The following DNMT1 variants were observed in gnomAD, a reference collection of about 807,000 sequenced individuals.
DNMT1 encodes the protein DNA (cytosine-5)-methyltransferase 1.
A neutral mutation model predicts 205.3 loss-of-function variants in DNMT1; 24 were observed. The ratio of observed to expected loss-of-function variants is 0.12; its 90% CI spans 0.08 to 0.16. DNMT1 has a LOEUF of 0.16. DNMT1 is among the 10% of genes least tolerant of loss of function. DNMT1 has a pLI of 1.00. For synonymous variants in DNMT1, 817 were observed against 839.8 expected, an observed-to-expected ratio of 0.97 and a Z score of 0.47; for missense variants, 1,293 against 2,177.7, an observed-to-expected ratio of 0.59 and a Z score of 8.09.
chr19:10,166,847 C>T (rs988287208), intron 10 of DNMT1, among the ~76,000 whole-genome samples, 162 bp from the exon 11 acceptor site: 10 of 152,226 alleles, frequency 6.6e-5, no homozygotes, highest in African/African-American at 2.2e-4. Flanking sequence ...TTTACTACTC[C>T]AGGACTCAAG....
intron 24 of DNMT1, among the ~76,000 whole-genome samples, chr19:10,150,879 G>A (rs1339031791): frequency 6.6e-6 from 1 of 152,086 alleles, no homozygotes; most frequent in Non-Finnish European, 1.5e-5. Context: ...GATCACTTGA[G>A]GCCGGAGTTC....
In DNMT1 at chr19:10,154,875, C is replaced by T; in HGVS notation, c.1644+30G>A. ...CTGAAGGCAAGTTTCCAGTGGGAATCCCGGATGCTGAGGACCCTCGATCTC... is the reference window on the plus strand; with the variant it reads ...CTGAAGGCAAGTTTCCAGTGGGAATTCCGGATGCTGAGGACCCTCGATCTC... On this transcript the variant is annotated intron_variant, in intron 20 of 40. Coordinates refer to ENST00000359526, the MANE Select transcript of DNMT1 (RefSeq NM_001130823.3). This position sits in a 1 kb window ranked among gnomAD's most constrained non-coding sequence, Gnocchi z 6.3. 6.2e-7 allele frequency: 1 copy of T among 1,614,198 alleles called. No individual in the cohort carries two copies. The highest frequency in any genetic ancestry group is 8.5e-7 in the Non-Finnish European group (1 of 1,180,040).
At chr19:10,162,813 A>G in intron 12 of DNMT1, 65 bp from the exon 13 acceptor site, 1 of 1,551,334 alleles carries the variant, frequency 6.4e-7, no homozygotes, top group Non-Finnish European at 8.9e-7. Context: ...GCCAACTCGC[A>G]CGGAAAGTGA....
At chr19:10,160,470 C>G in intron 13 of DNMT1, 52 bp from the exon 14 acceptor site, 1 of 1,592,522 alleles carries the variant, frequency 6.3e-7, no homozygotes, top group East Asian at 2.2e-5. Context: ...GTTTTACACC[C>G]AGATAGTGCT....
chr19:10,166,668 A>T lies in DNMT1; in HGVS notation c.821T>A (p.Leu274Gln). Residue 274 changes from leucine to glutamine, a missense_variant, in exon 11 of 41, where the codon CTG (leucine) becomes CAG (glutamine). Physicochemically the swap from Leu to Gln is moderately radical, Grantham distance 113 (BLOSUM62 -2). Around this residue, in one of 13 missense-constraint regions of DNMT1, gnomAD observed 394 missense variants for 451.6 expected, o/e 0.87. Coordinates refer to ENST00000359526, the MANE Select transcript of DNMT1 (RefSeq NM_001130823.3). ...GGCTTCTCTGTCCGGCTCCTCCTTCAGTTTCTGTTTGGGTGTTCTGTCACA... is the reference window on the plus strand; with the variant it reads ...GGCTTCTCTGTCCGGCTCCTCCTTCTGTTTCTGTTTGGGTGTTCTGTCACA... ...QTKEPTPKQK[L>Q]KEEPDREARA... 2 of 1,614,040 alleles carry T rather than the reference A, an allele frequency of 1.2e-6. No homozygotes were observed. The highest frequency in any genetic ancestry group is 1.7e-6 in the Non-Finnish European group (2 of 1,179,992).
intron 9 of DNMT1, among the ~76,000 whole-genome samples, chr19:10,172,657 C>T (rs78953423): frequency 0.037 from 5,578 of 151,776 alleles, 155 homozygotes; most frequent in Admixed American, 0.071. Flanking sequence ...AACCCCATCT[C>T]CACTAAAATT....
chr19:10,159,201 T>C lies in DNMT1; in HGVS notation c.1280+457A>G, dbSNP rs755562819. Among the ~76,000 whole-genome samples the C allele has an allele frequency of 5.9e-5, 9 of 152,254 alleles. No individual in the cohort carries two copies. Among genetic ancestry groups the C allele is most frequent in the African/African-American group, 1.7e-4 (7 of 41,566 alleles). On this transcript the variant is annotated intron_variant, in intron 17 of 40. Coordinates refer to ENST00000359526, the MANE Select transcript of DNMT1 (RefSeq NM_001130823.3). The surrounding 1 kb of genome is among the most constrained non-coding windows in gnomAD (Gnocchi z 5.0). ...CAAACCAAAAATCAGCAAAGCTCTA[T>C]TGTCCCTTCATCAGCTTTCCACGTG...
chr19:10,160,530 G>A (rs181887911), intron 13 of DNMT1, 112 bp from the exon 14 acceptor site: 13,287 of 1,213,136 alleles, frequency 0.011, 105 homozygotes, highest in Non-Finnish European at 0.013. Context: ...AGAGAGAAGG[G>A]GAGGGAGGCA....
chr19:10,140,951 C>T lies in DNMT1; in HGVS notation c.3395-42G>A. The T allele has an allele frequency of 6.2e-7, 1 of 1,613,716 alleles. No homozygotes were observed. Among genetic ancestry groups the T allele is most frequent in the Non-Finnish European group, 8.5e-7 (1 of 1,180,036 alleles). On this transcript the variant is annotated intron_variant, in intron 31 of 40. Transcript: ENST00000359526. This position sits in a 1 kb window ranked among gnomAD's most constrained non-coding sequence, Gnocchi z 8.4. ...AGAGGCTAAACCCGATCCTCAGAGTCCAAGTCCACCTTGCTCTCAAGCGCC... is the reference window on the plus strand; with the variant it reads ...AGAGGCTAAACCCGATCCTCAGAGTTCAAGTCCACCTTGCTCTCAAGCGCC...
Position 10,156,534 on chromosome 19 carries a change from T to A in DNMT1, c.1281-25A>T, listed in dbSNP as rs772909458. On this transcript the variant is annotated intron_variant, in intron 17 of 40. Transcript: ENST00000359526. This position sits in a 1 kb window ranked among gnomAD's most constrained non-coding sequence, Gnocchi z 4.2. The stretch of plus-strand genomic sequence containing the variant: ...ACTAGACAGGAAACAAAGCACATGC[T>A]TACCAGCTAAGCCGTGAAGGCGGGT... 5 of 1,581,034 alleles carry A rather than the reference T, an allele frequency of 3.2e-6. No individual in the cohort carries two copies. The East Asian group carries it at 1.1e-4, about 35-fold the overall frequency.
chr19:10,180,239 G>A lies in DNMT1; in HGVS notation c.446-5C>T, dbSNP rs1273081740. 1 of 1,325,988 alleles carries A rather than the reference G, an allele frequency of 7.5e-7. No individual in the cohort carries two copies. The highest frequency in any genetic ancestry group is 2.4e-5 in the East Asian group (1 of 40,904). 82.1% of individuals were successfully genotyped at this position (1,325,988 alleles called of 1,614,324 possible). A position where few individuals can be genotyped will look rare whatever the true frequency, so the allele number is the denominator to read the frequency against. ...AGGCAGGAGGGTCTCTTGAACCTGG[G>A]AGGCAGAGGTTACAGTGAGCCGAGG... On this transcript the variant is annotated splice_region_variant and splice_polypyrimidine_tract_variant and intron_variant, in intron 4 of 40. Transcript: ENST00000359526.
intron 27 of DNMT1, among the ~76,000 whole-genome samples, chr19:10,148,483 G>A (rs1379574244): frequency 1.5e-4 from 21 of 143,372 alleles, no homozygotes; most frequent in East Asian, 2.0e-4. Context: ...GCAACAGAGC[G>A]AGACTCCGTC....
chr19:10,159,960 G>C lies in DNMT1; in HGVS notation c.1090-38C>G. 4 of 1,614,246 alleles carry C rather than the reference G, an allele frequency of 2.5e-6. No individual in the cohort carries two copies. Among genetic ancestry groups the C allele is most frequent in the Non-Finnish European group, 3.4e-6 (4 of 1,180,044 alleles). ...GAACACAGATGATGGCACTCAGAGA[G>C]CAGCTCCCAGCCGCCTCGTGAGCGC... is the stretch of plus-strand genomic sequence containing the variant. On this transcript the variant is annotated intron_variant, in intron 15 of 40. Transcript: ENST00000359526. This position sits in a 1 kb window ranked among gnomAD's most constrained non-coding sequence, Gnocchi z 5.0.
intron 34 of DNMT1, among the ~76,000 whole-genome samples, chr19:10,139,311 C>T (rs887548789): frequency 1.6e-4 from 24 of 152,332 alleles, no homozygotes; most frequent in African/African-American, 5.5e-4. Context: ...CATGGCTCTG[C>T]GCACCTCACT....
intron 1 of DNMT1, among the ~76,000 whole-genome samples, chr19:10,183,123 A>ACACACGTATATATACGTGTG (rs1568257433): frequency 7.9e-6 from 1 of 126,436 alleles, no homozygotes; most frequent in Admixed American, 8.3e-5. Context: ...ATATATATAT[A>ACACACGTATATATACGTGTG]TATTTTTTTT....
chr19:10,179,142 A>AG (rs2038992406), intron 5 of DNMT1, among the ~76,000 whole-genome samples: 1 of 151,796 alleles, frequency 6.6e-6, no homozygotes, highest in African/African-American at 2.4e-5. Context: ...AAAAAAAAAA[A>AG]AAAAAAAATT....
chr19:10,172,997 G>A lies in DNMT1; in HGVS notation c.768+93C>T, dbSNP rs1568248232. The A allele has an allele frequency of 4.1e-6, 6 of 1,448,916 alleles. No individual in the cohort carries two copies. The Admixed American group carries it at 5.2e-5, about 13-fold the overall frequency. 89.8% of individuals were successfully genotyped at this position (1,448,916 alleles called of 1,614,324 possible). On this transcript the variant is annotated intron_variant, in intron 9 of 40. Coordinates refer to ENST00000359526, the MANE Select transcript of DNMT1 (RefSeq NM_001130823.3). ...AGCAAAACCCATCTTGTTCTTCCACGTTCCCCACCCCCTGTCCCCACGTCC... is the reference window on the plus strand; with the variant it reads ...AGCAAAACCCATCTTGTTCTTCCACATTCCCCACCCCCTGTCCCCACGTCC...
rs2038529585 is a variant in DNMT1, at chr19:10,159,834, G to A, written c.1170+8C>T. 2 of 1,614,226 alleles carry A rather than the reference G, an allele frequency of 1.2e-6. No individual in the cohort carries two copies. The highest frequency in any genetic ancestry group is 1.7e-6 in the Non-Finnish European group (2 of 1,180,048). On this transcript the variant is annotated splice_region_variant and intron_variant, in intron 16 of 40. Transcript: ENST00000359526. This position sits in a 1 kb window ranked among gnomAD's most constrained non-coding sequence, Gnocchi z 5.0. Reference sequence around the variant, plus strand: ...GCAGAGGAAGGCTGGGAAGAGAGCTGTACGTACCGCGTCTGGTGGGTGCTG... The same window carrying A: ...GCAGAGGAAGGCTGGGAAGAGAGCTATACGTACCGCGTCTGGTGGGTGCTG...
At chr19:10,160,322 T>C (rs1425880195) in intron 14 of DNMT1, 62 bp downstream of exon 14, 1 of 1,609,474 alleles carries the variant, frequency 6.2e-7, no homozygotes, top group African/African-American at 1.3e-5. Context: ...TTCCCTTTTG[T>C]TCTAGAACCA....
Sources: allele counts gnomAD v4.1 joint callset (sites outside exome capture counted in the v4.1 genomes callset), GRCh38; gene constraint gnomAD v4.1.1; regional missense constraint gnomAD v4.1.1; non-coding constraint Gnocchi (gnomAD v3.1); transcripts MANE v1.5; gene names NCBI Gene and HGNC (gene_info 2026-07-23, HGNC 2026-07-21).